UGT2B17: variants seen among roughly 807,000 people sequenced by gnomAD.
UGT2B17 encodes the protein UDP-glucuronosyltransferase 2B17.
UGT2B17 carries 21 observed loss-of-function variants against 48.2 expected under a neutral mutation model. The ratio of observed to expected loss-of-function variants is 0.44; its 90% CI spans 0.31 to 0.63. The LOEUF is 0.63. Ranked by LOEUF, UGT2B17 falls within the 20% of genes least tolerant of loss-of-function variation. UGT2B17 has a pLI of 0.08. For synonymous variants in UGT2B17, 146 were observed against 238.4 expected, an observed-to-expected ratio of 0.61 and a Z score of 3.57; for missense variants, 402 against 696.1, an observed-to-expected ratio of 0.58 and a Z score of 4.75.
Position 68,548,362 on chromosome 4 carries a change from G to T in UGT2B17, c.1313+2315C>A, listed in dbSNP as rs1730857441. ...ACACCGCATGTTCTCACTCATAGGTGGGAATTGAACAATGAGAACACGAGG... is the reference window on the plus strand; with the variant it reads ...ACACCGCATGTTCTCACTCATAGGTTGGAATTGAACAATGAGAACACGAGG... On this transcript the variant is annotated intron_variant, in intron 6 of 6. Coordinates refer to ENST00000317746, the MANE Select transcript of UGT2B17 (RefSeq NM_001077.4). 1.6e-5 allele frequency among the ~76,000 whole-genome samples: 2 copies of T among 124,894 alleles called. 1 individual carries two copies. The highest frequency in any genetic ancestry group is 3.4e-5 in the Non-Finnish European group (2 of 59,290). The allele number at this position is 124,894 out of a possible 152,430, so 81.9% of individuals were successfully genotyped here. A position where few individuals can be genotyped will look rare whatever the true frequency, so the allele number is the denominator to read the frequency against.
chr4:68,572,646 A>G (rs1229070075), intron 1 of UGT2B17, among the ~76,000 whole-genome samples: 1 of 126,598 alleles, frequency 7.9e-6, no homozygotes, highest in Non-Finnish European at 1.7e-5. Flanking sequence ...CTCTTTTATA[A>G]TAACTATAAA....
intron 1 of UGT2B17, among the ~76,000 whole-genome samples, chr4:68,571,994 G>T (rs1384552999): frequency 8.0e-6 from 1 of 124,674 alleles, no homozygotes; most frequent in Non-Finnish European, 1.7e-5. Context: ...AGGGGTTTGT[G>T]ATTATCAATT....
At chr4:68,541,361 C>G in intron 6 of UGT2B17, among the ~76,000 whole-genome samples, 1 of 126,452 alleles carries the variant, frequency 7.9e-6, no homozygotes, top group Non-Finnish European at 1.7e-5. Context: ...GAGATTGTAT[C>G]TCATTGTGGT....
intron 2 of UGT2B17, 74 bp from the exon 3 acceptor site, chr4:68,565,794 T>C: frequency 8.0e-7 from 1 of 1,242,718 alleles, no homozygotes; most frequent in Non-Finnish European, 1.0e-6. Context: ...AATATGCAGG[T>C]ATTTTCCTGA....
chr4:68,565,831 A>T, intron 2 of UGT2B17, 111 bp from the exon 3 acceptor site: 1 of 902,272 alleles, frequency 1.1e-6, no homozygotes, highest in Non-Finnish European at 1.4e-6. Flanking sequence ...ATACCTAAAA[A>T]TATATAAAAT....
chr4:68,537,498 T>A lies in UGT2B17; in HGVS notation c.*127A>T, dbSNP rs920182770. Reference sequence around the variant, plus strand: ...AATTCCTGGAAAATAAATTTTGACTTAACAGGGTAAGTTGTGAAAAGACGT... The same window carrying A: ...AATTCCTGGAAAATAAATTTTGACTAAACAGGGTAAGTTGTGAAAAGACGT... On this transcript the variant is annotated 3_prime_UTR_variant, in exon 7 of 7. Transcript: ENST00000317746. 1 of 840,336 alleles carries A rather than the reference T, an allele frequency of 1.2e-6. No individual in the cohort carries two copies. The highest frequency in any genetic ancestry group is 1.8e-5 in the African/African-American group (1 of 56,882). 52.1% of individuals were successfully genotyped at this position (840,336 alleles called of 1,614,324 possible). A position where few individuals can be genotyped will look rare whatever the true frequency, so the allele number is the denominator to read the frequency against.
chr4:68,548,591 G>A (rs1419715381), intron 6 of UGT2B17, among the ~76,000 whole-genome samples: 1 of 124,782 alleles, frequency 8.0e-6, no homozygotes, highest in African/African-American at 2.7e-5. Context: ...AAATTACTTT[G>A]GGCAGCATGG....
At chr4:68,538,764 T>C (rs559353885) in intron 6 of UGT2B17, among the ~76,000 whole-genome samples, 1 of 126,704 alleles carries the variant, frequency 7.9e-6, no homozygotes, top group African/African-American at 2.7e-5. Flanking sequence ...TAGAGAACGC[T>C]ACACAGACAC....
Position 68,552,645 on chromosome 4 carries a change from G to C in UGT2B17, c.1006-734C>G, listed in dbSNP as rs1454659307. ...GTTCACATTTTGGTAACCATGAAGA[G>C]ACTCTGAGTGGAGGTTCCCTGACCT... On this transcript the variant is annotated intron_variant, in intron 4 of 6. Coordinates refer to ENST00000317746, the MANE Select transcript of UGT2B17 (RefSeq NM_001077.4). 4.0e-5 allele frequency among the ~76,000 whole-genome samples: 5 copies of C among 124,908 alleles called. 2 individuals are homozygous for C. Among genetic ancestry groups the C allele is most frequent in the African/African-American group, 1.4e-4 (5 of 36,492 alleles). The allele number at this position is 124,908 out of a possible 152,430, so 81.9% of individuals were successfully genotyped here. A position where few individuals can be genotyped will look rare whatever the true frequency, so the allele number is the denominator to read the frequency against.
At position 68,568,218 on chromosome 4, in the gene UGT2B17, A is replaced by T; in HGVS notation, c.267T>A (p.Phe89Leu). ...TCCATCTATCGAACATTTTCATAAA[A>T]AAATCTTCCAAATCATTTTTAGTTA... ...TSLTKNDLED[F>L]FMKMFDRWTY... Residue 89 changes from phenylalanine to leucine, a missense_variant, in exon 2 of 7, where the codon TTT (phenylalanine) becomes TTA (leucine). By Grantham distance (22) the Phe-to-Leu change is conservative. Coordinates refer to ENST00000317746, the MANE Select transcript of UGT2B17 (RefSeq NM_001077.4). The T allele has an allele frequency of 7.3e-7, 1 of 1,372,732 alleles. No individual in the cohort carries two copies. Among genetic ancestry groups the T allele is most frequent in the Non-Finnish European group, 9.5e-7 (1 of 1,052,776 alleles). The allele number at this position is 1,372,732 out of a possible 1,614,324, so 85.0% of individuals were successfully genotyped here.
intron 6 of UGT2B17, among the ~76,000 whole-genome samples, chr4:68,542,332 G>T (rs1730677374): frequency 7.9e-6 from 1 of 125,884 alleles, no homozygotes; most frequent in Admixed American, 8.2e-5. Flanking sequence ...TTTTGCTTAG[G>T]GTTGTCTTGG....
chr4:68,561,862 T>A lies in UGT2B17; in HGVS notation c.874-1194A>T, dbSNP rs1731109697. On this transcript the variant is annotated intron_variant, in intron 3 of 6. Coordinates refer to ENST00000317746, the MANE Select transcript of UGT2B17 (RefSeq NM_001077.4). ...ACTCATAAGTTTCCCGGATATCATA[T>A]CAAAATTGTATACTCATCTTTTTGT... 1.6e-5 allele frequency among the ~76,000 whole-genome samples: 2 copies of A among 122,092 alleles called. 1 individual carries two copies. Among genetic ancestry groups the A allele is most frequent in the South Asian group, 7.9e-4 (2 of 2,530 alleles). 80.1% of individuals were successfully genotyped at this position (122,092 alleles called of 152,430 possible).
In UGT2B17 at chr4:68,571,675, T is replaced by C. The variant is rs1560583262; in HGVS notation, c.-64-3127A>G. ...TTTGGGCTGGGAATTCATCAGGAAA[T>C]GGGTCTGTAGGAACTAATTCTTGGG... On this transcript the variant is annotated intron_variant, in intron 1 of 6. Transcript: ENST00000317746. Among the ~76,000 whole-genome samples, 3 of 126,304 alleles carry C rather than the reference T, an allele frequency of 2.4e-5. 1 individual carries two copies. The Admixed American group carries it at 2.4e-4, about 10-fold the overall frequency. 82.9% of individuals were successfully genotyped at this position (126,304 alleles called of 152,430 possible). A position where few individuals can be genotyped will look rare whatever the true frequency, so the allele number is the denominator to read the frequency against.
chr4:68,561,916 T>A (rs1317791549), intron 3 of UGT2B17, among the ~76,000 whole-genome samples: 1 of 123,818 alleles, frequency 8.1e-6, no homozygotes, highest in Admixed American at 8.3e-5. Flanking sequence ...TCTAAATTCT[T>A]TTTTTCTCAG....
intron 3 of UGT2B17, among the ~76,000 whole-genome samples, chr4:68,562,573 A>C (rs1177178877): frequency 7.9e-6 from 1 of 126,080 alleles, no homozygotes; most frequent in African/African-American, 2.7e-5. Flanking sequence ...TCATCCACCA[A>C]GTATTGAAGT....
At chr4:68,538,094 C>T (rs7693677) in intron 6 of UGT2B17, among the ~76,000 whole-genome samples, 190 bp from the exon 7 acceptor site, 111,911 of 124,474 alleles carry the variant, frequency 0.9, 53,304 homozygotes, top group Non-Finnish European at 0.99. Flanking sequence ...AGTTTTATCA[C>T]TGACAAATAC....
At position 68,571,785 on chromosome 4, in the gene UGT2B17, C is replaced by T. The variant is rs191316521; in HGVS notation, c.-64-3237G>A. On this transcript the variant is annotated intron_variant, in intron 1 of 6. Coordinates refer to ENST00000317746, the MANE Select transcript of UGT2B17 (RefSeq NM_001077.4). ...TGTAGAGACTGGGCTACGTGTTAGG[C>T]TAATTGCAAAAAGAAATTTTTAGTT... 8.3e-4 allele frequency among the ~76,000 whole-genome samples: 104 copies of T among 125,398 alleles called. 31 individuals carry two copies. The highest frequency in any genetic ancestry group is 1.4e-3 in the Non-Finnish European group (84 of 59,376). 82.3% of individuals were successfully genotyped at this position (125,398 alleles called of 152,430 possible). A position where few individuals can be genotyped will look rare whatever the true frequency, so the allele number is the denominator to read the frequency against.
chr4:68,538,245 T>TG lies in UGT2B17; in HGVS notation c.1314-342_1314-341insC, dbSNP rs11407631. On this transcript the variant is annotated intron_variant, in intron 6 of 6. Coordinates refer to ENST00000317746, the MANE Select transcript of UGT2B17 (RefSeq NM_001077.4). ...TGATCATTTTGATATTTTTAGTTTT[T>TG]TTTTTTTTTGAGACAGGCTTTTGCT... Among the ~76,000 whole-genome samples, 2 of 121,550 alleles carry TG rather than the reference T, an allele frequency of 1.6e-5. 1 individual carries two copies. The highest frequency in any genetic ancestry group is 3.4e-5 in the Non-Finnish European group (2 of 58,342). 79.7% of individuals were successfully genotyped at this position (121,550 alleles called of 152,430 possible). A position where few individuals can be genotyped will look rare whatever the true frequency, so the allele number is the denominator to read the frequency against.
chr4:68,557,244 A>C (rs1424902688), intron 4 of UGT2B17, among the ~76,000 whole-genome samples: 1 of 124,624 alleles, frequency 8.0e-6, no homozygotes, highest in Non-Finnish European at 1.7e-5. Flanking sequence ...CTGCCCTAAA[A>C]CTTTTTGTCA....
Sources: gnomAD v4.1 joint callset for allele counts (sites outside exome capture counted in the v4.1 genomes callset) on GRCh38, gnomAD v4.1.1 for gene constraint, MANE v1.5 for transcripts, NCBI Gene and HGNC (gene_info 2026-07-23, HGNC 2026-07-21) for gene names.